The following ANKRD55 variants were observed in gnomAD, a reference collection of about 807,000 sequenced individuals.
ANKRD55 encodes ankyrin repeat domain-containing protein 55.
Under a neutral mutation model 60.6 loss-of-function variants are expected in ANKRD55, and 41 were observed. That is an observed-to-expected ratio of 0.68 (90% CI 0.53 to 0.88). ANKRD55 has a LOEUF of 0.88. ANKRD55 is among the 40% of genes least tolerant of loss of function. The probability of loss-of-function intolerance (pLI) is 0.00; values close to 1 mark genes in which losing one functional copy is unlikely to be tolerated. For missense variants in ANKRD55, 732 were observed against 767.6 expected, an observed-to-expected ratio of 0.95 and a Z score of 0.55; for synonymous variants, 264 against 290.3, an observed-to-expected ratio of 0.91 and a Z score of 0.92.
chr5:56,148,909 C>A (rs1355432520), intron 6 of ANKRD55, among the ~76,000 whole-genome samples: 2 of 152,020 alleles, frequency 1.3e-5, no homozygotes, highest in African/African-American at 2.4e-5. Flanking sequence ...GTAAACAATT[C>A]CAGATGCTTT....
chr5:56,120,211 A>T (rs1487495127), intron 8 of ANKRD55, among the ~76,000 whole-genome samples: 1 of 151,856 alleles, frequency 6.6e-6, no homozygotes, highest in African/African-American at 2.4e-5. Context: ...TAATTTTTGT[A>T]TTTTTAGTAG....
chr5:56,176,030 C>T (rs1581002678), intron 4 of ANKRD55, 122 bp downstream of exon 4: 4 of 1,285,150 alleles, frequency 3.1e-6, no homozygotes, highest in Non-Finnish European at 1.1e-6. Context: ...AGTAAAGCTT[C>T]AAGTTCCAGC....
intron 5 of ANKRD55, among the ~76,000 whole-genome samples, chr5:56,166,154 C>CTTTCTCTCTTCT: frequency 1.4e-5 from 1 of 71,476 alleles, no homozygotes. Context: ...TTCTTTCTTT[C>CTTTCTCTCTTCT]TTCTTTCCTT....
At chr5:56,195,410 A>G (rs1202795224) in intron 2 of ANKRD55, among the ~76,000 whole-genome samples, 4 of 152,150 alleles carry the variant, frequency 2.6e-5, no homozygotes, top group Non-Finnish European at 5.9e-5. Flanking sequence ...CCAATTTTAC[A>G]TGGCTGTCAT....
chr5:56,188,363 T>C (rs160931), intron 2 of ANKRD55, among the ~76,000 whole-genome samples: 63,915 of 143,030 alleles, frequency 0.45, 17,096 homozygotes, highest in African/African-American at 0.75. Flanking sequence ...GCCACCCCCC[T>C]ACAACCAAAA....
At chr5:56,181,677 G>A (rs889488796) in intron 3 of ANKRD55, among the ~76,000 whole-genome samples, 2 of 152,050 alleles carry the variant, frequency 1.3e-5, no homozygotes, top group African/African-American at 2.4e-5. Context: ...TGCAACCTCC[G>A]CCTCCCGGTT....
At chr5:56,140,678 T>G (rs1397178216) in intron 7 of ANKRD55, among the ~76,000 whole-genome samples, 1 of 152,214 alleles carries the variant, frequency 6.6e-6, no homozygotes, top group Non-Finnish European at 1.5e-5. Context: ...AGGTAAAGTA[T>G]TAGCACCCAT....
Position 56,232,961 on chromosome 5 carries a change from ACAC to A in ANKRD55, c.-33-18_-33-16del. On this transcript the variant is annotated splice_polypyrimidine_tract_variant and intron_variant, in intron 1 of 11. Transcript: ENST00000341048. ...CATCCAGGTCTCTAGAGAGGAGAAAACACCATCTCAAACCTTACTGTCAACATG... is the reference window on the plus strand; with the variant it reads ...CATCCAGGTCTCTAGAGAGGAGAAAACATCTCAAACCTTACTGTCAACATG... The A allele has an allele frequency of 6.4e-7, 1 of 1,565,998 alleles. No homozygotes were observed. The highest frequency in any genetic ancestry group is 1.1e-5 in the South Asian group (1 of 89,912).
chr5:56,221,567 G>A (rs1007439047), intron 2 of ANKRD55, among the ~76,000 whole-genome samples: 4 of 152,230 alleles, frequency 2.6e-5, no homozygotes, highest in African/African-American at 7.2e-5. Context: ...CGCGGGAAGC[G>A]CAAGGGGTGG....
intron 3 of ANKRD55, 72 bp downstream of exon 3, chr5:56,183,440 G>A (rs987689903): frequency 1.3e-6 from 2 of 1,576,828 alleles, no homozygotes; most frequent in Non-Finnish European, 8.6e-7. Context: ...TATTAACATT[G>A]CTCATGTCTG....
chr5:56,166,154 C>CTCT (rs1758467173), intron 5 of ANKRD55, among the ~76,000 whole-genome samples: 2 of 71,476 alleles, frequency 2.8e-5, no homozygotes, highest in Admixed American at 1.6e-4. Context: ...TTCTTTCTTT[C>CTCT]TTCTTTCCTT....
At chr5:56,165,759 A>G (rs1758430853) in intron 5 of ANKRD55, among the ~76,000 whole-genome samples, 1 of 151,996 alleles carries the variant, frequency 6.6e-6, no homozygotes, top group Admixed American at 6.6e-5. Context: ...GAGAAACCCC[A>G]TCTCTACTAA....
At chr5:56,231,283 T>G (rs570217105) in intron 2 of ANKRD55, among the ~76,000 whole-genome samples, 2 of 152,292 alleles carry the variant, frequency 1.3e-5, no homozygotes, top group South Asian at 2.1e-4. Context: ...ATTGCTCACA[T>G]GAAAGGTGTT....
chr5:56,215,240 G>A (rs1759775532), intron 2 of ANKRD55, among the ~76,000 whole-genome samples: 1 of 152,190 alleles, frequency 6.6e-6, no homozygotes. Context: ...CGTGATAAAA[G>A]CCAAGCCCTG....
At chr5:56,221,980 C>A (rs974292034) in intron 2 of ANKRD55, among the ~76,000 whole-genome samples, 3 of 152,202 alleles carry the variant, frequency 2.0e-5, no homozygotes, top group Non-Finnish European at 4.4e-5. Flanking sequence ...CCTTGTCTGG[C>A]AGCTTTGAAG....
At chr5:56,113,040 G>A (rs549145312) in intron 9 of ANKRD55, among the ~76,000 whole-genome samples, 1 of 152,138 alleles carries the variant, frequency 6.6e-6, no homozygotes, top group African/African-American at 2.4e-5. Context: ...CACTTCCGAC[G>A]CTCAAGTTTC....
chr5:56,209,349 A>ACT (rs1276185821), intron 2 of ANKRD55, among the ~76,000 whole-genome samples: 1 of 152,158 alleles, frequency 6.6e-6, no homozygotes, highest in Non-Finnish European at 1.5e-5. Flanking sequence ...CATGGACTGG[A>ACT]CTCAGCATTA....
chr5:56,218,216 T>C (rs1050961662), intron 2 of ANKRD55, among the ~76,000 whole-genome samples: 2 of 152,216 alleles, frequency 1.3e-5, no homozygotes, highest in African/African-American at 4.8e-5. Flanking sequence ...GGATTTAGAA[T>C]ATTACATAAA....
At chr5:56,224,579 A>G (rs1760057307) in intron 2 of ANKRD55, among the ~76,000 whole-genome samples, 1 of 152,194 alleles carries the variant, frequency 6.6e-6, no homozygotes. Flanking sequence ...AACAAAATTG[A>G]TAGACCACTA....
Sources: allele counts gnomAD v4.1 joint callset (sites outside exome capture counted in the v4.1 genomes callset), GRCh38; gene constraint gnomAD v4.1.1; transcripts MANE v1.5; gene names NCBI Gene and HGNC (gene_info 2026-07-23, HGNC 2026-07-21).